Variants in RAPGEF4 observed in about 807,000 individuals in gnomAD.
RAPGEF4 encodes Rap guanine nucleotide exchange factor 4, also known as RAP guanine-nucleotide-exchange factor (GEF) 4.
RAPGEF4 carries 66 observed loss-of-function variants against 147.9 expected under a neutral mutation model. The observed-to-expected ratio is 0.45, with a 90% CI of 0.37 to 0.55. RAPGEF4 has a LOEUF of 0.55. Ranked by LOEUF, RAPGEF4 falls within the 20% of genes least tolerant of loss-of-function variation. The probability of loss-of-function intolerance (pLI) is 0.00; values close to 1 mark genes in which losing one functional copy is unlikely to be tolerated. For missense variants in RAPGEF4, 1,071 were observed against 1,257.3 expected (o/e 0.85, Z 2.24); for synonymous variants, 419 against 442.7 (o/e 0.95, Z 0.67).
chr2:173,020,222 T>C (rs745827825), intron 22 of RAPGEF4, among the ~76,000 whole-genome samples: 25 of 152,224 alleles, frequency 1.6e-4, no homozygotes, highest in African/African-American at 3.9e-4. Flanking sequence ...TCTAAAATCA[T>C]GTGAGGTCTC....
At chr2:172,976,832 C>T (rs1691126574) in intron 10 of RAPGEF4, among the ~76,000 whole-genome samples, 1 of 152,206 alleles carries the variant, frequency 6.6e-6, no homozygotes, top group Non-Finnish European at 1.5e-5. Context: ...CCAGTAGCTT[C>T]CAATATCACC....
chr2:172,818,675 T>C (rs916603997), intron 4 of RAPGEF4, among the ~76,000 whole-genome samples: 2 of 152,218 alleles, frequency 1.3e-5, no homozygotes, highest in African/African-American at 4.8e-5. Flanking sequence ...GATTCTGTGT[T>C]GCTTCTAAGG....
chr2:172,911,120 C>T (rs759285274), intron 4 of RAPGEF4, among the ~76,000 whole-genome samples: 1 of 152,176 alleles, frequency 6.6e-6, no homozygotes, highest in Admixed American at 6.5e-5. Flanking sequence ...CCTGTTATGG[C>T]GTCAACTCAA....
intron 10 of RAPGEF4, among the ~76,000 whole-genome samples, chr2:172,981,979 C>T (rs1370797117): frequency 1.3e-5 from 2 of 152,090 alleles, no homozygotes; most frequent in African/African-American, 2.4e-5. Flanking sequence ...GTTTTTTTCA[C>T]TTACACAAAT....
intron 1 of RAPGEF4, among the ~76,000 whole-genome samples, chr2:172,765,244 G>A (rs1044551782): frequency 5.3e-5 from 8 of 152,130 alleles, no homozygotes; most frequent in African/African-American, 1.9e-4. Context: ...GAGAACCCTA[G>A]TTCTATATGA....
intron 4 of RAPGEF4, among the ~76,000 whole-genome samples, chr2:172,874,682 A>G (rs1258535818): frequency 3.3e-5 from 5 of 152,116 alleles, no homozygotes; most frequent in African/African-American, 9.7e-5. Flanking sequence ...GGTCTTTGCT[A>G]TTGTGAATAG....
chr2:172,955,998 C>T (rs1388544794), intron 6 of RAPGEF4, among the ~76,000 whole-genome samples: 1 of 152,230 alleles, frequency 6.6e-6, no homozygotes, highest in South Asian at 2.1e-4. Context: ...TTTCCCTCTT[C>T]CATTTAACCT....
At chr2:172,924,463 T>C (rs1418567246) in intron 6 of RAPGEF4, among the ~76,000 whole-genome samples, 1 of 152,222 alleles carries the variant, frequency 6.6e-6, no homozygotes, top group Non-Finnish European at 1.5e-5. Flanking sequence ...ATACTAGTAG[T>C]AGTATATATT....
intron 4 of RAPGEF4, among the ~76,000 whole-genome samples, chr2:172,866,119 A>T (rs1694613260): frequency 6.6e-6 from 1 of 152,188 alleles, no homozygotes; most frequent in Admixed American, 6.5e-5. Context: ...AATTTAAAAG[A>T]GAACAAGACA....
In RAPGEF4 at chr2:172,783,167, T is replaced by A. The variant is rs566561775; in HGVS notation, c.66-11858T>A. ...CTGCCTAATGATGGGGTTTTTCAAC[T>A]CTCTGAATAGCCCTGAGCCTCAGAT... On this transcript the variant is annotated intron_variant, in intron 1 of 30. Coordinates refer to ENST00000397081, the MANE Select transcript of RAPGEF4 (RefSeq NM_007023.4). 2.6e-5 allele frequency among the ~76,000 whole-genome samples: 4 copies of A among 152,316 alleles called. No individual in the cohort carries two copies. In the East Asian group the frequency reaches 7.7e-4, roughly 29 times the overall value.
At chr2:172,902,132 C>G (rs1055612059) in intron 4 of RAPGEF4, among the ~76,000 whole-genome samples, 2 of 151,974 alleles carry the variant, frequency 1.3e-5, no homozygotes, top group African/African-American at 4.8e-5. Flanking sequence ...GTTGAAGGAC[C>G]TGAAAGAGGG....
At chr2:172,850,434 G>A (rs1692681270) in intron 4 of RAPGEF4, among the ~76,000 whole-genome samples, 2 of 151,930 alleles carry the variant, frequency 1.3e-5, no homozygotes, top group Admixed American at 6.6e-5. Flanking sequence ...TGGCTAACAC[G>A]GTGAAACCCC....
intron 17 of RAPGEF4, among the ~76,000 whole-genome samples, chr2:173,005,045 A>G (rs1424160477): frequency 6.6e-6 from 1 of 152,150 alleles, no homozygotes; most frequent in Non-Finnish European, 1.5e-5. Flanking sequence ...AATGACTATT[A>G]TATTAATAGA....
At chr2:172,809,287 G>T (rs150954007) in intron 3 of RAPGEF4, among the ~76,000 whole-genome samples, 1 of 152,148 alleles carries the variant, frequency 6.6e-6, no homozygotes, top group Non-Finnish European at 1.5e-5. Context: ...CAGGCCCAGT[G>T]GTGGAGATGG....
intron 4 of RAPGEF4, among the ~76,000 whole-genome samples, chr2:172,912,764 C>T (rs147089945): frequency 5.3e-5 from 8 of 152,264 alleles, no homozygotes; most frequent in Non-Finnish European, 7.4e-5. Context: ...TTGGCTAGAT[C>T]CATCAGTTCC....
intron 4 of RAPGEF4, among the ~76,000 whole-genome samples, chr2:172,912,549 CCTTT>C (rs1240939733): frequency 1.3e-5 from 2 of 152,058 alleles, no homozygotes; most frequent in African/African-American, 2.4e-5. Context: ...GTCATGAGGC[CCTTT>C]CTAACTTTGA....
chr2:172,785,901 C>T (rs1478571287), intron 1 of RAPGEF4, among the ~76,000 whole-genome samples: 1 of 152,094 alleles, frequency 6.6e-6, no homozygotes, highest in Admixed American at 6.5e-5. Context: ...GAAGTTGCCA[C>T]TAAGGGGTCT....
intron 6 of RAPGEF4, among the ~76,000 whole-genome samples, chr2:172,944,788 G>T (rs1014484415): frequency 1.3e-5 from 2 of 152,070 alleles, no homozygotes; most frequent in Admixed American, 6.5e-5. Flanking sequence ...AAAAAATTAT[G>T]TCCACAGTTT....
At chr2:172,851,530 A>T (rs1475961490) in intron 4 of RAPGEF4, among the ~76,000 whole-genome samples, 3 of 152,196 alleles carry the variant, frequency 2.0e-5, no homozygotes, top group Non-Finnish European at 2.9e-5. Flanking sequence ...AATAGCAAAG[A>T]CATGGAATCA....
Sources: allele counts gnomAD v4.1 joint callset (sites outside exome capture counted in the v4.1 genomes callset), GRCh38; gene constraint gnomAD v4.1.1; transcripts MANE v1.5; gene names NCBI Gene and HGNC (gene_info 2026-07-23, HGNC 2026-07-21).